The following USP34 variants were observed in gnomAD, a reference collection of about 807,000 sequenced individuals.
USP34 encodes the protein ubiquitin specific peptidase 34, also known as ubiquitin carboxyl-terminal hydrolase 34.
USP34 carries 70 observed loss-of-function variants against 460.3 expected under a neutral mutation model. The ratio of observed to expected loss-of-function variants is 0.15; its 90% CI spans 0.13 to 0.19. USP34 has a LOEUF of 0.19. Ranked by LOEUF, USP34 falls within the 10% of genes least tolerant of loss-of-function variation. The pLI, the probability that USP34 is intolerant of heterozygous loss-of-function variation, is 1.00. For synonymous variants in USP34, 1,647 were observed against 1,405.3 expected (o/e 1.17, Z -3.85); for missense variants, 3,985 against 4,236.2 (o/e 0.94, Z 1.65).
intron 1 of USP34, among the ~76,000 whole-genome samples, chr2:61,439,547 A>G (rs2104019678): frequency 6.6e-6 from 1 of 152,306 alleles, no homozygotes; most frequent in African/African-American, 2.4e-5. Flanking sequence ...CTGAGCAGGC[A>G]GTCAGTGAGC....
At chr2:61,282,879 G>T (rs1003917258) in intron 37 of USP34, among the ~76,000 whole-genome samples, 1 of 151,786 alleles carries the variant, frequency 6.6e-6, no homozygotes, top group Admixed American at 6.6e-5. Context: ...CTACTACCTG[G>T]AAAAACTTTT....
chr2:61,469,519 A>G (rs1473879974), intron 1 of USP34, among the ~76,000 whole-genome samples: 2 of 152,222 alleles, frequency 1.3e-5, no homozygotes, highest in African/African-American at 2.4e-5. Context: ...GGAAGTAAAT[A>G]CGGAGTTGAA....
chr2:61,267,244 T>C (rs1432737066), intron 41 of USP34, among the ~76,000 whole-genome samples: 1 of 152,182 alleles, frequency 6.6e-6, no homozygotes, highest in Non-Finnish European at 1.5e-5. Flanking sequence ...AACTATATGC[T>C]GAGTCCTGTG....
In USP34 at chr2:61,280,302, T is replaced by C; in HGVS notation, c.5198A>G (p.Glu1733Gly). The C allele has an allele frequency of 6.4e-7, 1 of 1,560,664 alleles. No individual in the cohort carries two copies. Among genetic ancestry groups the C allele is most frequent in the Non-Finnish European group, 8.7e-7 (1 of 1,155,180 alleles). Residue 1733 changes from glutamate (E) to glycine (G), a missense_variant, in exon 39 of 80, where the codon GAG becomes GGG. By Grantham distance (98) the Glu-to-Gly change is moderately conservative. Around this residue, in one of 14 missense-constraint regions of USP34, gnomAD observed 1,114 missense variants for 1,122.5 expected, o/e 0.99. Coordinates refer to ENST00000398571, the MANE Select transcript of USP34 (RefSeq NM_014709.4). ...EEPILKPGCKEYFWLLCKLVD... is the reference protein window; with the variant it reads ...EEPILKPGCKGYFWLLCKLVD... ...TAATTTGCATAACAACCAAAAATAC[T>C]CTTTACATCCTGGTTTTAATATTGG...
chr2:61,349,836 G>A (rs1253650610), intron 12 of USP34, among the ~76,000 whole-genome samples: 1 of 141,636 alleles, frequency 7.1e-6, no homozygotes, highest in Non-Finnish European at 1.5e-5. Flanking sequence ...CCGAGGCTCC[G>A]TCTCAAAAAA....
In USP34 at chr2:61,288,715, C is replaced by T; in HGVS notation, c.4711G>A (p.Asp1571Asn). The T allele has an allele frequency of 1.2e-6, 2 of 1,614,022 alleles. No individual in the cohort carries two copies. The highest frequency in any genetic ancestry group is 1.7e-6 in the Non-Finnish European group (2 of 1,179,940). ...WPGKSRKAAG[D>N]HAKGLHIPRL... ...GGTATATGAAGACCCTTAGCATGAT[C>T]ACCAGCAGCCTTCCTTGATTTGCCA... Residue 1571 changes from aspartate to asparagine, a missense_variant, in exon 34 of 80, where the codon GAT becomes AAT. This residue lies in a region of USP34 where 1,114 missense variants were observed against 1,122.5 expected (regional missense o/e 0.99). Transcript: ENST00000398571.
chr2:61,442,892 T>C (rs1308270264), intron 1 of USP34, among the ~76,000 whole-genome samples: 1 of 100,222 alleles, frequency 1.0e-5, no homozygotes, highest in East Asian at 3.3e-4. Context: ...CAAAATGTGA[T>C]GTGTGTACAC....
intron 1 of USP34, among the ~76,000 whole-genome samples, chr2:61,443,138 C>A (rs971811034): frequency 6.6e-6 from 1 of 151,850 alleles, no homozygotes; most frequent in Admixed American, 6.6e-5. Flanking sequence ...GTGGAAAGGA[C>A]AGGGGAAAGG....
chr2:61,321,280 G>A (rs895330982), intron 21 of USP34, among the ~76,000 whole-genome samples: 5 of 151,782 alleles, frequency 3.3e-5, no homozygotes, highest in African/African-American at 1.2e-4. Context: ...AGACCATCCT[G>A]GCCAACATGG....
At chr2:61,368,990 A>C (rs1269270581) in intron 10 of USP34, among the ~76,000 whole-genome samples, 2 of 152,226 alleles carry the variant, frequency 1.3e-5, no homozygotes, top group Non-Finnish European at 2.9e-5. Flanking sequence ...AAAAAAAATA[A>C]GAAAAACAAT....
At chr2:61,382,216 C>A (rs182476146) in intron 6 of USP34, among the ~76,000 whole-genome samples, 1 of 152,056 alleles carries the variant, frequency 6.6e-6, no homozygotes, top group East Asian at 1.9e-4. Context: ...AATCATGAAA[C>A]ATCTGCTAAA....
chr2:61,222,539 G>A (rs759869083), intron 65 of USP34, 80 bp downstream of exon 65: 364 of 1,174,632 alleles, frequency 3.1e-4, no homozygotes, highest in Middle Eastern at 3.9e-4. Flanking sequence ...ATTTGTTCTC[G>A]AGAACAATTA....
At chr2:61,285,774 G>T (rs1418309451) in intron 34 of USP34, among the ~76,000 whole-genome samples, 2 of 152,116 alleles carry the variant, frequency 1.3e-5, no homozygotes, top group Admixed American at 6.5e-5. Context: ...TATACCACGG[G>T]TAGAGAGCAT....
chr2:61,193,104 G>A (rs1059543), intron 75 of USP34, 124 bp from the exon 76 acceptor site: 1 of 728,768 alleles, frequency 1.4e-6, no homozygotes, highest in Non-Finnish European at 2.2e-6. Flanking sequence ...ATATTTTAAA[G>A]TACATAAAGG....
At chr2:61,215,668 G>T (rs1340017692) in intron 67 of USP34, among the ~76,000 whole-genome samples, 1 of 152,194 alleles carries the variant, frequency 6.6e-6, no homozygotes. Context: ...AGGTCACACA[G>T]ATAAAGAGGT....
chr2:61,372,537 C>G (rs1253388232), intron 8 of USP34, among the ~76,000 whole-genome samples: 1 of 152,152 alleles, frequency 6.6e-6, no homozygotes, highest in African/African-American at 2.4e-5. Context: ...CCAGGCCAGG[C>G]TGGGCAACGT....
intron 8 of USP34, among the ~76,000 whole-genome samples, chr2:61,373,266 T>G (rs1037709509): frequency 1.3e-5 from 2 of 150,732 alleles, no homozygotes; most frequent in African/African-American, 4.9e-5. Flanking sequence ...AAACAAGATA[T>G]GAGATACACA....
chr2:61,420,276 A>T (rs1342285149), intron 2 of USP34, among the ~76,000 whole-genome samples: 1 of 152,164 alleles, frequency 6.6e-6, no homozygotes, highest in African/African-American at 2.4e-5. Context: ...ATAAACTTTG[A>T]TTATATTAAC....
chr2:61,278,520 T>A, intron 39 of USP34, 77 bp from the exon 40 acceptor site: 1 of 1,126,958 alleles, frequency 8.9e-7, no homozygotes, highest in Non-Finnish European at 1.2e-6. Context: ...TAAAATCATT[T>A]CCTTATAGGT....
Sources: gnomAD v4.1 joint callset for allele counts (sites outside exome capture counted in the v4.1 genomes callset) on GRCh38, gnomAD v4.1.1 for gene constraint, gnomAD v4.1.1 regional missense constraint, MANE v1.5 for transcripts, NCBI Gene and HGNC (gene_info 2026-07-23, HGNC 2026-07-21) for gene names.